Variants in CACNA2D3 observed in about 807,000 individuals in gnomAD.
CACNA2D3 encodes the protein voltage-dependent calcium channel subunit alpha-2/delta-3.
Under a neutral mutation model 160.6 loss-of-function variants are expected in CACNA2D3, and 60 were observed. The ratio of observed to expected loss-of-function variants is 0.37; its 90% CI spans 0.30 to 0.46. The LOEUF (loss-of-function observed/expected upper bound fraction) is 0.46. CACNA2D3 is among the 20% of genes least tolerant of loss of function. The probability of loss-of-function intolerance (pLI) is 1.00; values close to 1 mark genes in which losing one functional copy is unlikely to be tolerated. For missense variants in CACNA2D3, 1,205 were observed against 1,365.0 expected, an observed-to-expected ratio of 0.88 and a Z score of 1.85; for synonymous variants, 558 against 492.9, an observed-to-expected ratio of 1.13 and a Z score of -1.75.
At chr3:54,964,807 G>A (rs1379360312) in intron 27 of CACNA2D3, among the ~76,000 whole-genome samples, 1 of 151,112 alleles carries the variant, frequency 6.6e-6, no homozygotes, top group Admixed American at 6.6e-5. Flanking sequence ...TTGGGGGAGA[G>A]GGTTATTCTT....
chr3:54,294,714 T>A (rs1168122597), intron 2 of CACNA2D3, among the ~76,000 whole-genome samples: 1 of 152,198 alleles, frequency 6.6e-6, no homozygotes, highest in Non-Finnish European at 1.5e-5. Flanking sequence ...TGACGGGCAT[T>A]TCCAGTGCAG....
At chr3:54,716,765 A>G (rs1046390627) in intron 11 of CACNA2D3, among the ~76,000 whole-genome samples, 1 of 152,216 alleles carries the variant, frequency 6.6e-6, no homozygotes, top group Non-Finnish European at 1.5e-5. Context: ...CTTCCAAGCT[A>G]AACTTTTCCC....
In CACNA2D3 at chr3:54,994,935, C is replaced by T. The variant is rs987506; in HGVS notation, c.2690+7182C>T. On this transcript the variant is annotated intron_variant, in intron 31 of 37. Transcript: ENST00000474759. The stretch of plus-strand genomic sequence containing the variant: ...TCTTTTTACATTCATATTTGCTCTG[C>T]CTTAAGAGATAGAGAAAGAAAGTCT... Among the ~76,000 whole-genome samples, 8 of 152,152 alleles carry T rather than the reference C, an allele frequency of 5.3e-5. 1 individual carries two copies. Among genetic ancestry groups the T allele is most frequent in the African/African-American group, 1.7e-4 (7 of 41,504 alleles).
chr3:55,037,522 C>T (rs1255780031), intron 35 of CACNA2D3, among the ~76,000 whole-genome samples: 1 of 152,146 alleles, frequency 6.6e-6, no homozygotes, highest in South Asian at 2.1e-4. Flanking sequence ...TACCTCCCTG[C>T]AAGAGGGCGG....
At position 54,477,128 on chromosome 3, in the gene CACNA2D3, G is replaced by C. The variant is rs549176152; in HGVS notation, c.382-26364G>C. On this transcript the variant is annotated intron_variant, in intron 4 of 37. Transcript: ENST00000474759. Reference sequence around the variant, plus strand: ...CCAGTAAATACTATCAAGATAACTTGGGCTTGTGGGAATGATACCAACAGA... The same window carrying C: ...CCAGTAAATACTATCAAGATAACTTCGGCTTGTGGGAATGATACCAACAGA... Among the ~76,000 whole-genome samples the C allele has an allele frequency of 6.6e-5, 10 of 152,244 alleles. No individual in the cohort carries two copies. In the South Asian group the frequency reaches 2.1e-3, roughly 32 times the overall value.
chr3:54,219,008 T>G (rs993912241), intron 2 of CACNA2D3, among the ~76,000 whole-genome samples: 1 of 152,236 alleles, frequency 6.6e-6, no homozygotes, highest in African/African-American at 2.4e-5. Flanking sequence ...ACTTACATAT[T>G]CACCAGTTCT....
rs372128661 is a variant in CACNA2D3, at chr3:54,376,313, C to G, written c.322-10402C>G. 3.9e-5 allele frequency among the ~76,000 whole-genome samples: 6 copies of G among 152,346 alleles called. No homozygotes were observed. In the South Asian group the frequency reaches 1.2e-3, roughly 32 times the overall value. ...CTCTCAGTCACCTGGCTAACTTCCA[C>G]TCCTTTAACCCCAGCTTACTGTTGC... On this transcript the variant is annotated intron_variant, in intron 3 of 37. Coordinates refer to ENST00000474759, the MANE Select transcript of CACNA2D3 (RefSeq NM_018398.3).
intron 14 of CACNA2D3, among the ~76,000 whole-genome samples, chr3:54,836,648 T>G (rs1288646885): frequency 2.0e-5 from 3 of 152,342 alleles, no homozygotes; most frequent in African/African-American, 7.2e-5. Flanking sequence ...CATCTGGGAC[T>G]GGCATTCAGA....
intron 4 of CACNA2D3, among the ~76,000 whole-genome samples, chr3:54,486,368 G>C (rs1701015362): frequency 6.6e-6 from 1 of 152,122 alleles, no homozygotes; most frequent in South Asian, 2.1e-4. Context: ...TCTCCTGGGA[G>C]AAAAACTGAG....
At chr3:54,446,916 T>C (rs937599349) in intron 4 of CACNA2D3, among the ~76,000 whole-genome samples, 1 of 152,190 alleles carries the variant, frequency 6.6e-6, no homozygotes, top group Admixed American at 6.5e-5. Context: ...TCTCCAGCTC[T>C]CCGACAAGGC....
intron 6 of CACNA2D3, among the ~76,000 whole-genome samples, chr3:54,567,182 T>C (rs1428633058): frequency 6.6e-6 from 1 of 152,232 alleles, no homozygotes; most frequent in Admixed American, 6.5e-5. Context: ...GAGCTCTTTT[T>C]AGAGAAGTGC....
intron 2 of CACNA2D3, among the ~76,000 whole-genome samples, chr3:54,266,127 G>C (rs1002673794): frequency 6.6e-6 from 1 of 152,136 alleles, no homozygotes; most frequent in African/African-American, 2.4e-5. Context: ...GGAAGTTTTT[G>C]GTTGTTGCCA....
At chr3:54,275,393 C>G (rs926902023) in intron 2 of CACNA2D3, among the ~76,000 whole-genome samples, 1 of 152,074 alleles carries the variant, frequency 6.6e-6, no homozygotes, top group Non-Finnish European at 1.5e-5. Context: ...AAAAAAAATT[C>G]AAGTTCAAAA....
At chr3:54,169,687 G>A (rs1277406723) in intron 2 of CACNA2D3, among the ~76,000 whole-genome samples, 2 of 128,702 alleles carry the variant, frequency 1.6e-5, no homozygotes, top group Non-Finnish European at 3.5e-5. Context: ...GTGTGTGTAT[G>A]TGTGTGCATG....
intron 11 of CACNA2D3, among the ~76,000 whole-genome samples, chr3:54,686,630 G>A (rs1384011038): frequency 6.6e-6 from 1 of 152,152 alleles, no homozygotes; most frequent in African/African-American, 2.4e-5. Flanking sequence ...AAAATCACCA[G>A]GGCTCTGCAG....
chr3:54,784,102 A>C (rs568404500), intron 13 of CACNA2D3, among the ~76,000 whole-genome samples: 1 of 152,208 alleles, frequency 6.6e-6, no homozygotes, highest in Non-Finnish European at 1.5e-5. Flanking sequence ...TTGTATGGTA[A>C]GTCTGTCCAC....
chr3:54,252,912 A>G (rs770128507), intron 2 of CACNA2D3, among the ~76,000 whole-genome samples: 4 of 152,062 alleles, frequency 2.6e-5, no homozygotes, highest in Admixed American at 6.5e-5. Context: ...GCTTTCATCA[A>G]TCTTGGTCTT....
intron 29 of CACNA2D3, among the ~76,000 whole-genome samples, chr3:54,973,863 A>G (rs1334836771): frequency 1.3e-5 from 2 of 152,248 alleles, no homozygotes; most frequent in African/African-American, 2.4e-5. Context: ...CAATGGAAAT[A>G]TTAGGGATTG....
At chr3:54,327,466 A>C (rs926493556) in intron 3 of CACNA2D3, among the ~76,000 whole-genome samples, 3 of 152,190 alleles carry the variant, frequency 2.0e-5, no homozygotes, top group African/African-American at 7.2e-5. Flanking sequence ...CTTTGTGGGT[A>C]GAACCATTGC....
Sources: allele counts gnomAD v4.1 joint callset (sites outside exome capture counted in the v4.1 genomes callset), GRCh38; gene constraint gnomAD v4.1.1; transcripts MANE v1.5; gene names NCBI Gene and HGNC (gene_info 2026-07-23, HGNC 2026-07-21).